The following PPARA variants were observed in gnomAD, a reference collection of about 807,000 sequenced individuals.
PPARA encodes peroxisome proliferator-activated receptor alpha.
In PPARA, 22 loss-of-function variants were observed where a neutral mutation model predicts 42.2. The ratio of observed to expected loss-of-function variants is 0.52; its 90% confidence interval spans 0.37 to 0.74. The LOEUF (loss-of-function observed/expected upper bound fraction) is 0.74. Ranked by LOEUF, PPARA falls within the 30% of genes least tolerant of loss-of-function variation. The probability of loss-of-function intolerance (pLI) is 0.00; values close to 1 mark genes in which losing one functional copy is unlikely to be tolerated. For missense variants in PPARA, 465 were observed against 608.2 expected (o/e 0.76, Z 2.48); for synonymous variants, 242 against 239.3 (o/e 1.01, Z -0.10).
rs1304742807 is a variant in PPARA, at chr22:46,191,111, T to G, written c.-42-7231T>G. Among the ~76,000 whole-genome samples, 1 of 152,064 alleles carries G rather than the reference T, an allele frequency of 6.6e-6. No homozygotes were observed. The highest frequency in any genetic ancestry group is 2.4e-5 in the African/African-American group (1 of 41,414). On this transcript the variant is annotated intron_variant, in intron 3 of 8. Coordinates refer to ENST00000407236, the MANE Select transcript of PPARA (RefSeq NM_005036.6). The surrounding 1 kb of genome is among the most constrained non-coding windows in gnomAD (Gnocchi z 4.6). ...AGGAGGCTGAGGCACGAGAATCGCT[T>G]GAACCCGGGAGGCGTGGGGTTGCAG...
Position 46,219,949 on chromosome 22 carries a change from A to G in PPARA, c.646A>G (p.Lys216Glu). The change falls in exon 7 of 9, where the codon AAG (lysine) becomes GAG (glutamate). Residue 216 changes from lysine to glutamate, a missense_variant. Lys to Glu is a moderately conservative substitution (Grantham distance 56, BLOSUM62 1). Around this residue, in one of 2 missense-constraint regions of PPARA, gnomAD observed 313 missense variants for 469.1 expected, o/e 0.67. Transcript: ENST00000407236. The surrounding 1 kb of genome is among the most constrained non-coding windows in gnomAD (Gnocchi z 4.8). ...LAKRIYEAYL[K>E]NFNMNKVKAR... is the part of the protein sequence containing the mutation. ...CAAGAGAATCTACGAGGCCTACTTG[A>G]AGAACTTCAACATGAACAAGGTCAA... The G allele has an allele frequency of 6.2e-7, 1 of 1,614,222 alleles. No individual in the cohort carries two copies. The highest frequency in any genetic ancestry group is 1.1e-5 in the South Asian group (1 of 91,084).
At position 46,156,496 on chromosome 22, in the gene PPARA, G is replaced by A. The variant is rs553113667; in HGVS notation, c.-127+4526G>A. 6.6e-6 allele frequency: 1 copy of A among 152,330 alleles called. No individual in the cohort carries two copies. The highest frequency in any genetic ancestry group is 1.5e-5 in the Non-Finnish European group (1 of 68,036). 9.4% of individuals were successfully genotyped at this position (152,330 alleles called of 1,614,324 possible). A position where few individuals can be genotyped will look rare whatever the true frequency, so the allele number is the denominator to read the frequency against. ...AGGATTTTTCAAAGGCTTTCAGAAA[G>A]CAACATGCTACCGTACCCCTTATAC... On this transcript the variant is annotated intron_variant, in intron 2 of 8. Coordinates refer to ENST00000407236, the MANE Select transcript of PPARA (RefSeq NM_005036.6). This position sits in a 1 kb window ranked among gnomAD's most constrained non-coding sequence, Gnocchi z 5.2.
In PPARA at chr22:46,240,783, A is replaced by C. The variant is rs566187769; in HGVS notation, c.*5403A>C. 3 of 152,450 alleles carry C rather than the reference A, an allele frequency of 2.0e-5. No individual in the cohort carries two copies. Among genetic ancestry groups the C allele is most frequent in the Non-Finnish European group, 4.4e-5 (3 of 68,100 alleles). 9.4% of individuals were successfully genotyped at this position (152,450 alleles called of 1,614,324 possible). A position where few individuals can be genotyped will look rare whatever the true frequency, so the allele number is the denominator to read the frequency against. On this transcript the variant is annotated 3_prime_UTR_variant, in exon 9 of 9. Transcript: ENST00000407236. This position sits in a 1 kb window ranked among gnomAD's most constrained non-coding sequence, Gnocchi z 6.0. ...GGCCCAGCTTTTCTTAACTCAGTCC[A>C]AGCTGACTTGTTTAGCTGCACTGGA...
At chr22:46,164,790 AG>A (rs1380341681) in intron 2 of PPARA, 1 of 152,220 alleles carries the variant, frequency 6.6e-6, no homozygotes, top group Non-Finnish European at 1.5e-5. Context: ...TTAATGAGAA[AG>A]TTATTATTTG....
intron 2 of PPARA, among the ~76,000 whole-genome samples, chr22:46,168,927 G>A (rs937707866): frequency 6.6e-6 from 1 of 151,916 alleles, no homozygotes; most frequent in Admixed American, 6.6e-5. Context: ...AACTCAAAGT[G>A]AAAAAGCTAT....
rs1931581930 is a variant in PPARA, at chr22:46,191,724, A to C, written c.-42-6618A>C. 6.6e-6 allele frequency among the ~76,000 whole-genome samples: 1 copy of C among 152,066 alleles called. No individual in the cohort carries two copies. Among genetic ancestry groups the C allele is most frequent in the Non-Finnish European group, 1.5e-5 (1 of 68,002 alleles). ...AATTCTCACAGACCATCACTGGGTT[A>C]CTCCTGGAGTAAGTAATTCCCAAGA... is the stretch of plus-strand genomic sequence containing the variant. On this transcript the variant is annotated intron_variant, in intron 3 of 8. Transcript: ENST00000407236. This position sits in a 1 kb window ranked among gnomAD's most constrained non-coding sequence, Gnocchi z 4.6.
chr22:46,214,630 G>C (rs955663341), intron 4 of PPARA, among the ~76,000 whole-genome samples: 2 of 149,776 alleles, frequency 1.3e-5, no homozygotes, highest in Non-Finnish European at 3.0e-5. Context: ...AAGATGAGCT[G>C]ATCGGAGATG....
intron 3 of PPARA, among the ~76,000 whole-genome samples, chr22:46,185,064 C>T (rs1393149416): frequency 1.3e-5 from 2 of 152,074 alleles, no homozygotes; most frequent in African/African-American, 2.4e-5. Context: ...AGAAGTTATC[C>T]TGAACGTACT....
chr22:46,161,835 C>T lies in PPARA; in HGVS notation c.-127+9865C>T, dbSNP rs569998213. ...TTTCCGCGCTAGCGTTTGGTCCCTG[C>T]GCTTTTCTGGATGCCCCCACCCCCT... On this transcript the variant is annotated intron_variant, in intron 2 of 8. Coordinates refer to ENST00000407236, the MANE Select transcript of PPARA (RefSeq NM_005036.6). The surrounding 1 kb of genome is among the most constrained non-coding windows in gnomAD (Gnocchi z 4.8). Among the ~76,000 whole-genome samples the T allele has an allele frequency of 7.9e-5, 12 of 152,328 alleles. No homozygotes were observed. The highest frequency in any genetic ancestry group is 2.1e-4 in the South Asian group (1 of 4,830).
intron 7 of PPARA, chr22:46,220,247 T>C (rs984248964): frequency 1.0e-5 from 6 of 580,754 alleles, no homozygotes; most frequent in East Asian, 9.3e-5. Context: ...GTTATTATAC[T>C]GGCTATGTAA....
chr22:46,242,713 C>T lies in PPARA; in HGVS notation c.*7333C>T, dbSNP rs1339959717. ...GCTGAAATCAAACATCTAAAATACA[C>T]TGCGTACACGTGTGCGTGCACACAC... On this transcript the variant is annotated 3_prime_UTR_variant, in exon 9 of 9. Coordinates refer to ENST00000407236, the MANE Select transcript of PPARA (RefSeq NM_005036.6). This position sits in a 1 kb window ranked among gnomAD's most constrained non-coding sequence, Gnocchi z 6.1. The T allele has an allele frequency of 6.7e-6, 1 of 148,818 alleles. No homozygotes were observed. The highest frequency in any genetic ancestry group is 2.6e-5 in the African/African-American group (1 of 38,984). 9.2% of individuals were successfully genotyped at this position (148,818 alleles called of 1,614,324 possible). A position where few individuals can be genotyped will look rare whatever the true frequency, so the allele number is the denominator to read the frequency against.
chr22:46,207,671 A>ATTTTTTTTTTTTTTTT (rs1196769346), intron 4 of PPARA, among the ~76,000 whole-genome samples: 6 of 74,434 alleles, frequency 8.1e-5, no homozygotes, highest in Non-Finnish European at 1.6e-4. Context: ...TATTATTATT[A>ATTTTTTTTTTTTTTTT]TTATTATTTT....
At chr22:46,176,314 C>A (rs1460779211) in intron 2 of PPARA, among the ~76,000 whole-genome samples, 1 of 152,126 alleles carries the variant, frequency 6.6e-6, no homozygotes, top group Non-Finnish European at 1.5e-5. Context: ...GGCAAAACCC[C>A]ATCTCTACTA....
chr22:46,237,907 T>G lies in PPARA; in HGVS notation c.*2527T>G, dbSNP rs1452556443. 6.6e-6 allele frequency: 1 copy of G among 152,304 alleles called. No homozygotes were observed. The highest frequency in any genetic ancestry group is 1.5e-5 in the Non-Finnish European group (1 of 68,098). 9.4% of individuals were successfully genotyped at this position (152,304 alleles called of 1,614,324 possible). ...CCAGCGACCCTGCAGCTGCTCGCTCTGATGTACCCTGTGCCATTCAAGGAG... is the reference window on the plus strand; with the variant it reads ...CCAGCGACCCTGCAGCTGCTCGCTCGGATGTACCCTGTGCCATTCAAGGAG... On this transcript the variant is annotated 3_prime_UTR_variant, in exon 9 of 9. Transcript: ENST00000407236. The surrounding 1 kb of genome is among the most constrained non-coding windows in gnomAD (Gnocchi z 6.7).
rs184034117 is a variant in PPARA at position 46,227,669 on chromosome 22, G to C, written c.712-4123G>C. On this transcript the variant is annotated intron_variant, in intron 7 of 8. Transcript: ENST00000407236. The surrounding 1 kb of genome is among the most constrained non-coding windows in gnomAD (Gnocchi z 4.3). ...TGCCGGGACCAGTGTGGCAGCAAGC[G>C]GGGCGTTCTGCTCTCGGCATGGAGT... 5.9e-5 allele frequency among the ~76,000 whole-genome samples: 9 copies of C among 152,322 alleles called. No individual in the cohort carries two copies. Among genetic ancestry groups the C allele is most frequent in the African/African-American group, 1.9e-4 (8 of 41,580 alleles).
chr22:46,150,585 C>G lies in PPARA; in HGVS notation c.-277C>G, dbSNP rs1924226391. 1 of 144,196 alleles carries G rather than the reference C, an allele frequency of 6.9e-6. No individual in the cohort carries two copies. The highest frequency in any genetic ancestry group is 2.5e-5 in the African/African-American group (1 of 40,316). The allele number at this position is 144,196 out of a possible 1,614,324, so 8.9% of individuals were successfully genotyped here. On this transcript the variant is annotated 5_prime_UTR_variant, in exon 1 of 9. Transcript: ENST00000407236. The surrounding 1 kb of genome is among the most constrained non-coding windows in gnomAD (Gnocchi z 7.5). ...CGGCGGGGGCGGAGGCGGCCGCTAG[C>G]GCCCTGCCCGGCGCCGCCTCCTTCG...
In PPARA at chr22:46,232,907, A is replaced by G. The variant is rs1433921481; in HGVS notation, c.1159+668A>G. 6.7e-6 allele frequency among the ~76,000 whole-genome samples: 1 copy of G among 150,110 alleles called. No homozygotes were observed. Among genetic ancestry groups the G allele is most frequent in the Non-Finnish European group, 1.5e-5 (1 of 67,624 alleles). On this transcript the variant is annotated intron_variant, in intron 8 of 8. Transcript: ENST00000407236. The surrounding 1 kb of genome is among the most constrained non-coding windows in gnomAD (Gnocchi z 5.3). ...TGAGGTGGGAGGATCACTTAAGCCC[A>G]GGAGACAAAGGTTGCAGTGAGCCAA...
chr22:46,235,172 T>C lies in PPARA; in HGVS notation c.1199T>C (p.Met400Thr). The C allele has an allele frequency of 6.2e-7, 1 of 1,613,960 alleles. No individual in the cohort carries two copies. Among genetic ancestry groups the C allele is most frequent in the Non-Finnish European group, 8.5e-7 (1 of 1,179,906 alleles). Reference sequence around the variant, plus strand: ...CTAAACGTAGGACACATTGAAAAAATGCAGGAGGGTATTGTACATGTGCTC... The same window carrying C: ...CTAAACGTAGGACACATTGAAAAAACGCAGGAGGGTATTGTACATGTGCTC... ...GLLNVGHIEK[M>T]QEGIVHVLRL... Residue 400 changes from methionine (M) to threonine (T), a missense_variant, in exon 9 of 9, where the codon ATG becomes ACG. Met to Thr is a moderately conservative substitution (Grantham distance 81). Around this residue, in one of 2 missense-constraint regions of PPARA, gnomAD observed 313 missense variants for 469.1 expected, o/e 0.67. Coordinates refer to ENST00000407236, the MANE Select transcript of PPARA (RefSeq NM_005036.6). This position sits in a 1 kb window ranked among gnomAD's most constrained non-coding sequence, Gnocchi z 7.0.
chr22:46,185,262 T>A (rs1234241102), intron 3 of PPARA, among the ~76,000 whole-genome samples: 2 of 152,208 alleles, frequency 1.3e-5, no homozygotes, highest in African/African-American at 4.8e-5. Flanking sequence ...AGGTTTGCAA[T>A]TGAGTTTGTA....
Sources: allele counts gnomAD v4.1 joint callset (sites outside exome capture counted in the v4.1 genomes callset), GRCh38; gene constraint gnomAD v4.1.1; regional missense constraint gnomAD v4.1.1; non-coding constraint Gnocchi (gnomAD v3.1); transcripts MANE v1.5; gene names NCBI Gene and HGNC (gene_info 2026-07-23, HGNC 2026-07-21).